The following PCDHGB1 variants were observed in gnomAD, a reference collection of about 807,000 sequenced individuals.
PCDHGB1 encodes the protein protocadherin gamma subfamily B, 1.
Under a neutral mutation model 56.6 loss-of-function variants are expected in PCDHGB1, and 34 were observed. The ratio of observed to expected loss-of-function variants is 0.60; its 90% CI spans 0.46 to 0.80. The LOEUF (loss-of-function observed/expected upper bound fraction) is 0.80, where lower values mean the gene tolerates loss of function less well. PCDHGB1 is among the 30% of genes least tolerant of loss of function. The pLI is 0.00. For missense variants in PCDHGB1, 1,278 were observed against 1,204.6 expected, an observed-to-expected ratio of 1.06 and a Z score of -0.90; for synonymous variants, 561 against 505.9, an observed-to-expected ratio of 1.11 and a Z score of -1.46.
chr5:141,393,577 T>C (rs781192019), intron 1 of PCDHGB1: 1 of 1,613,890 alleles, frequency 6.2e-7, no homozygotes, highest in Admixed American at 1.7e-5. Flanking sequence ...CTTGAGAACA[T>C]GCCCCCAGGC....
chr5:141,410,455 T>G (rs2095396076), intron 1 of PCDHGB1: 3 of 1,613,914 alleles, frequency 1.9e-6, no homozygotes, highest in African/African-American at 2.7e-5. Flanking sequence ...TGCCTTATTC[T>G]TATAATCTGT....
At chr5:141,434,535 A>G (rs939961995) in intron 1 of PCDHGB1, among the ~76,000 whole-genome samples, 1 of 152,230 alleles carries the variant, frequency 6.6e-6, no homozygotes, top group African/African-American at 2.4e-5. Flanking sequence ...ACCACAAACA[A>G]TAGCATGAGT....
Position 141,403,685 on chromosome 5 carries a change from C to G in PCDHGB1, c.2409+51016C>G, listed in dbSNP as rs778849334. On this transcript the variant is annotated intron_variant, in intron 1 of 3. Coordinates refer to ENST00000523390, the MANE Select transcript of PCDHGB1 (RefSeq NM_018922.3). ...TGATAATGCCCCGGTTTTTGCTCAA[C>G]GGATTTACCGAGTTAAAGTCCTTGA... 8 of 1,613,704 alleles carry G rather than the reference C, an allele frequency of 5.0e-6. No homozygotes were observed. In the Admixed American group the frequency reaches 1.0e-4, roughly 20 times the overall value.
chr5:141,421,054 A>G, intron 1 of PCDHGB1: 3 of 571,978 alleles, frequency 5.2e-6, no homozygotes, highest in Non-Finnish European at 9.0e-6. Context: ...CGCCTCTACC[A>G]CACAAAGCGG....
At chr5:141,396,729 T>C (rs1197764011) in intron 1 of PCDHGB1, 1 of 152,214 alleles carries the variant, frequency 6.6e-6, no homozygotes, top group Non-Finnish European at 1.5e-5. Flanking sequence ...CCTGAATTGA[T>C]TGTTGTAAGG....
chr5:141,438,682 A>G (rs1282726848), intron 1 of PCDHGB1, among the ~76,000 whole-genome samples: 13 of 140,730 alleles, frequency 9.2e-5, no homozygotes, highest in Admixed American at 6.6e-4. Flanking sequence ...GGAGTAGGGG[A>G]TGGAGTCTTG....
In PCDHGB1 at chr5:141,360,561, T is replaced by C. The variant is rs1479698668; in HGVS notation, c.2409+7892T>C. 4 of 1,613,992 alleles carry C rather than the reference T, an allele frequency of 2.5e-6. No homozygotes were observed. The African/African-American group carries it at 5.3e-5, about 21-fold the overall frequency. ...AACAGACTAAGATTAATTTAAAAAT[T>C]GGCGAATCCACTAAGCCAGGTACAA... On this transcript the variant is annotated intron_variant, in intron 1 of 3. Transcript: ENST00000523390.
intron 2 of PCDHGB1, among the ~76,000 whole-genome samples, chr5:141,497,126 C>T (rs565697662): frequency 8.2e-4 from 125 of 151,844 alleles, no homozygotes; most frequent in African/African-American, 3.0e-3. Flanking sequence ...GCAGAGGTTG[C>T]AGTGAGCTGA....
chr5:141,508,026 T>A (rs972124070), intron 3 of PCDHGB1: 3 of 152,314 alleles, frequency 2.0e-5, no homozygotes, highest in African/African-American at 7.2e-5. Context: ...GGCTGCGGTT[T>A]GCAGCTCAGC....
rs746046310 is a variant in PCDHGB1, at chr5:141,410,427, A to C, written c.2409+57758A>C. The C allele has an allele frequency of 1.9e-6, 3 of 1,613,714 alleles. No homozygotes were observed. The Admixed American group carries it at 5.0e-5, about 27-fold the overall frequency. On this transcript the variant is annotated intron_variant, in intron 1 of 3. Coordinates refer to ENST00000523390, the MANE Select transcript of PCDHGB1 (RefSeq NM_018922.3). ...AAGTCTGGACCTGTAGTTCCCCCCA[A>C]CTACAGTGAGGGGACTTTGCCTTAT...
At position 141,432,898 on chromosome 5, in the gene PCDHGB1, G is replaced by C. The variant is rs746913952; in HGVS notation, c.2410-61909G>C. ...TGGCCTTCGTCATCTTGCTGCTGGC[G>C]CTCAGGCTGCGGCGCTGGCACAAGT... On this transcript the variant is annotated intron_variant, in intron 1 of 3. Coordinates refer to ENST00000523390, the MANE Select transcript of PCDHGB1 (RefSeq NM_018922.3). The surrounding 1 kb of genome is among the most constrained non-coding windows in gnomAD (Gnocchi z 6.0). 28 of 1,614,056 alleles carry C rather than the reference G, an allele frequency of 1.7e-5. No individual in the cohort carries two copies. In the African/African-American group the frequency reaches 2.4e-4, roughly 14 times the overall value.
chr5:141,372,268 A>T (rs374647960), intron 1 of PCDHGB1: 26 of 1,613,010 alleles, frequency 1.6e-5, no homozygotes, highest in Non-Finnish European at 1.9e-5. Flanking sequence ...CGCACGGGTG[A>T]GGTGCGCACG....
At chr5:141,421,618 G>T (rs748399893) in intron 1 of PCDHGB1, 1 of 1,613,766 alleles carries the variant, frequency 6.2e-7, no homozygotes, top group Non-Finnish European at 8.5e-7. Flanking sequence ...TAATGATAAC[G>T]CCCCCAGCTT....
Position 141,486,734 on chromosome 5 carries a change from C to A in PCDHGB1, c.2410-8073C>A. ...CCAGACAGGAGCTGTTCATGCTACT[C>A]GATCCTTTGACTATGAGCAAACCCA... On this transcript the variant is annotated intron_variant, in intron 1 of 3. Transcript: ENST00000523390. The surrounding 1 kb of genome is among the most constrained non-coding windows in gnomAD (Gnocchi z 5.0). The A allele has an allele frequency of 1.2e-6, 2 of 1,614,188 alleles. No homozygotes were observed. Among genetic ancestry groups the A allele is most frequent in the Non-Finnish European group, 1.7e-6 (2 of 1,180,040 alleles).
At chr5:141,373,523 C>T (rs2150024723) in intron 1 of PCDHGB1, among the ~76,000 whole-genome samples, 1 of 152,052 alleles carries the variant, frequency 6.6e-6, no homozygotes, top group African/African-American at 2.4e-5. Flanking sequence ...ACTTTGTCTC[C>T]AAAAAAGTGT....
chr5:141,404,047 A>G, intron 1 of PCDHGB1: 1 of 1,613,860 alleles, frequency 6.2e-7, no homozygotes, highest in Non-Finnish European at 8.5e-7. Context: ...AGGGAACAGT[A>G]ATTCTTCTTT....
At chr5:141,421,934 T>C (rs1478005202) in intron 1 of PCDHGB1, 1 of 1,613,548 alleles carries the variant, frequency 6.2e-7, no homozygotes, top group Admixed American at 1.7e-5. Context: ...GTCCTCGATG[T>C]AAATGATCAC....
chr5:141,361,542 C>T, intron 1 of PCDHGB1: 5 of 1,614,054 alleles, frequency 3.1e-6, no homozygotes, highest in Non-Finnish European at 3.4e-6. Context: ...CTCCTGGCGC[C>T]TCTATCGCTC....
At chr5:141,427,603 T>G in intron 1 of PCDHGB1, 2 of 681,440 alleles carry the variant, frequency 2.9e-6, no homozygotes, top group East Asian at 2.8e-5. Flanking sequence ...ACCCTACGCA[T>G]TGGTGAAGTC....
Sources: allele counts gnomAD v4.1 joint callset (sites outside exome capture counted in the v4.1 genomes callset), GRCh38; gene constraint gnomAD v4.1.1; non-coding constraint Gnocchi (gnomAD v3.1); transcripts MANE v1.5; gene names NCBI Gene and HGNC (gene_info 2026-07-23, HGNC 2026-07-21).